RARB: variants seen among roughly 807,000 people sequenced by gnomAD.
The protein encoded by RARB is retinoic acid receptor beta, also known as HBV-activated protein.
A neutral mutation model predicts 51.9 loss-of-function variants in RARB; 17 were observed. The observed-to-expected ratio is 0.33, with a 90% CI of 0.22 to 0.49. The LOEUF is 0.49. Among genes scored for constraint, RARB ranks in the 20% least tolerant of loss-of-function variants. The pLI, the probability that RARB is intolerant of heterozygous loss-of-function variation, is 0.99. For missense variants in RARB, 369 were observed against 550.8 expected (o/e 0.67, Z 3.30); for synonymous variants, 215 against 195.4 (o/e 1.10, Z -0.84).
rs375168993 is a variant in RARB, at chr3:25,091,779, C to T, written c.-328+31603C>T. On this transcript the variant is annotated intron_variant, in intron 3 of 11. Coordinates refer to the RARB transcript ENST00000383772. ...AAAAATATCTATTGTTGCTGCCATC[C>T]GTCTTCATGTAAAAAGGTTTAATTT... Among the ~76,000 whole-genome samples, 5 of 152,158 alleles carry T rather than the reference C, an allele frequency of 3.3e-5. No individual in the cohort carries two copies. In the East Asian group the frequency reaches 7.7e-4, roughly 24 times the overall value.
intron 2 of RARB, among the ~76,000 whole-genome samples, chr3:24,951,671 A>G (rs1004742012): frequency 6.6e-6 from 1 of 152,212 alleles, no homozygotes; most frequent in African/African-American, 2.4e-5. Context: ...GGATGTGTCT[A>G]TAGATATTTG....
chr3:25,054,607 G>T (rs1698400817), intron 2 of RARB, among the ~76,000 whole-genome samples: 1 of 152,142 alleles, frequency 6.6e-6, no homozygotes, highest in Non-Finnish European at 1.5e-5. Flanking sequence ...ATATTTCCTA[G>T]CACTTGCCCC....
chr3:25,182,537 T>C (rs1214816699), intron 5 of RARB, among the ~76,000 whole-genome samples: 2 of 152,200 alleles, frequency 1.3e-5, no homozygotes, highest in South Asian at 2.1e-4. Context: ...AGTATTGTTA[T>C]AATGAATTCA....
intron 2 of RARB, among the ~76,000 whole-genome samples, chr3:24,980,161 T>TTTG (rs546117057): frequency 6.6e-6 from 1 of 152,200 alleles, no homozygotes; most frequent in Non-Finnish European, 1.5e-5. Context: ...TGAGCTTCCC[T>TTTG]TTGTAGGTAA....
intron 5 of RARB, among the ~76,000 whole-genome samples, chr3:25,357,027 C>T (rs1034436975): frequency 2.0e-5 from 3 of 152,094 alleles, no homozygotes; most frequent in Non-Finnish European, 2.9e-5. Context: ...TGGGTATATA[C>T]CTACTAATGA....
chr3:25,257,209 G>T (rs1702887483), intron 5 of RARB, among the ~76,000 whole-genome samples: 1 of 152,106 alleles, frequency 6.6e-6, no homozygotes, highest in African/African-American at 2.4e-5. Flanking sequence ...ATGCTTGAAT[G>T]CAGATCAAAG....
At chr3:25,339,702 GT>G (rs1705166993) in intron 5 of RARB, among the ~76,000 whole-genome samples, 1 of 151,610 alleles carries the variant, frequency 6.6e-6, no homozygotes, top group Non-Finnish European at 1.5e-5. Flanking sequence ...CTTGGATCCT[GT>G]GTTATAGCCG....
chr3:25,163,504 A>AAAAAAAAATATATATATAT (rs1303712411), intron 4 of RARB, among the ~76,000 whole-genome samples: 1 of 131,094 alleles, frequency 7.6e-6, no homozygotes, highest in African/African-American at 3.2e-5. Context: ...CCTATCTCAA[A>AAAAAAAAATATATATATAT]ATATATATAT....
At chr3:24,867,870 T>C (rs113487763) in intron 2 of RARB, among the ~76,000 whole-genome samples, 15 of 152,244 alleles carry the variant, frequency 9.9e-5, no homozygotes, top group East Asian at 1.9e-4. Flanking sequence ...GAAATTTTCA[T>C]TGACTGCCAT....
intron 2 of RARB, among the ~76,000 whole-genome samples, chr3:24,914,954 C>G (rs912185916): frequency 6.6e-6 from 1 of 152,110 alleles, no homozygotes; most frequent in East Asian, 1.9e-4. Flanking sequence ...AATATAATAC[C>G]TTGACTTTGC....
At chr3:25,108,894 C>G (rs112177272) in intron 3 of RARB, among the ~76,000 whole-genome samples, 2 of 152,078 alleles carry the variant, frequency 1.3e-5, no homozygotes, top group African/African-American at 4.8e-5. Context: ...CTTATGTAAA[C>G]ATTCTGTGTC....
intron 5 of RARB, among the ~76,000 whole-genome samples, chr3:25,286,281 G>C (rs1483306977): frequency 6.6e-6 from 1 of 151,842 alleles, no homozygotes; most frequent in South Asian, 2.1e-4. Context: ...GCAGAGACGG[G>C]GTTTCACCGT....
At chr3:25,531,298 G>T (rs949544054) in intron 3 of RARB, among the ~76,000 whole-genome samples, 2 of 152,058 alleles carry the variant, frequency 1.3e-5, no homozygotes, top group African/African-American at 4.8e-5. Flanking sequence ...ATACAAGTGT[G>T]GGTAGTTGGA....
intron 2 of RARB, among the ~76,000 whole-genome samples, chr3:25,058,218 A>T (rs1247856651): frequency 6.6e-6 from 1 of 151,934 alleles, no homozygotes; most frequent in African/African-American, 2.4e-5. Flanking sequence ...TAGGTAAAGA[A>T]GGTTAACTTT....
chr3:25,592,716 G>A (rs1479430559), intron 5 of RARB, among the ~76,000 whole-genome samples: 1 of 152,248 alleles, frequency 6.6e-6, no homozygotes, highest in African/African-American at 2.4e-5. Flanking sequence ...GACTCTGGCA[G>A]AGTGACTCAG....
intron 4 of RARB, among the ~76,000 whole-genome samples, chr3:25,171,307 T>G (rs1240239056): frequency 6.6e-6 from 1 of 151,926 alleles, no homozygotes; most frequent in Non-Finnish European, 1.5e-5. Context: ...AATCTTTTTT[T>G]CTAAAAGCCT....
At chr3:25,514,999 T>G (rs927948837) in intron 3 of RARB, among the ~76,000 whole-genome samples, 1 of 152,190 alleles carries the variant, frequency 6.6e-6, no homozygotes, top group African/African-American at 2.4e-5. Flanking sequence ...ACTCCCACCC[T>G]ACTCTAATGG....
chr3:25,204,317 G>T (rs1336267205), intron 5 of RARB, among the ~76,000 whole-genome samples: 1 of 152,094 alleles, frequency 6.6e-6, no homozygotes, highest in Non-Finnish European at 1.5e-5. Flanking sequence ...GTTCTAGTTA[G>T]CCATTCGTCT....
chr3:25,523,215 G>A (rs1698483597), intron 3 of RARB, among the ~76,000 whole-genome samples: 1 of 152,140 alleles, frequency 6.6e-6, no homozygotes, highest in African/African-American at 2.4e-5. Context: ...TCCTCCCAGG[G>A]GAATGGTTCT....
Sources: gnomAD v4.1 joint callset for allele counts (sites outside exome capture counted in the v4.1 genomes callset) on GRCh38, gnomAD v4.1.1 for gene constraint, MANE v1.5 for transcripts, NCBI Gene and HGNC (gene_info 2026-07-23, HGNC 2026-07-21) for gene names.